ZNF71: variants seen among roughly 807,000 people sequenced by gnomAD.
ZNF71 encodes the protein endothelial zinc finger protein induced by tumor necrosis factor alpha.
In ZNF71, 3 loss-of-function variants were observed where a neutral mutation model predicts 6.7. The ratio of observed to expected loss-of-function variants is 0.45; its 90% CI spans 0.20 to 1.16. ZNF71 has a LOEUF of 1.16. ZNF71 is among the 50% of genes most tolerant of loss of function. ZNF71 has a pLI of 0.25. For synonymous variants in ZNF71, 343 were observed against 311.1 expected, an observed-to-expected ratio of 1.10 and a Z score of -1.08; for missense variants, 688 against 728.6, an observed-to-expected ratio of 0.94 and a Z score of 0.64.
In ZNF71 at chr19:56,597,721, AG is replaced by A. The variant is rs1332721621; in HGVS notation, c.-53+2296del. On this transcript the variant is annotated intron_variant, in intron 1 of 3. Transcript: ENST00000599599. ...AGTAATGTTTATTAATTTTGTTTTC[AG>A]GGTTTTTTTTTGCCTCTAGAAACAA... 1.3e-4 allele frequency among the ~76,000 whole-genome samples: 18 copies of A among 139,134 alleles called. No homozygotes were observed. In the Admixed American group the frequency reaches 1.4e-3, roughly 10 times the overall value. The allele number at this position is 139,134 out of a possible 152,430, so 91.3% of individuals were successfully genotyped here.
chr19:56,617,112 G>GTTTTTTTTTTTTTTTTTTTTTTTT (rs748784485), intron 3 of ZNF71, among the ~76,000 whole-genome samples: 2 of 140,646 alleles, frequency 1.4e-5, no homozygotes, highest in African/African-American at 2.8e-5. Context: ...ATTTTCTTTT[G>GTTTTTTTTTTTTTTTTTTTTTTTT]TTTTTTTTTG....
At chr19:56,621,161 G>A (rs2044842008) in intron 3 of ZNF71, 107 bp from the exon 4 acceptor site, 1 of 1,134,334 alleles carries the variant, frequency 8.8e-7, no homozygotes, top group Non-Finnish European at 1.2e-6. Flanking sequence ...TCTGTGCCTT[G>A]GGCCTCATTG....
chr19:56,605,102 A>T (rs1308949022), intron 2 of ZNF71, among the ~76,000 whole-genome samples: 1 of 152,214 alleles, frequency 6.6e-6, no homozygotes, highest in Non-Finnish European at 1.5e-5. Flanking sequence ...TGTGTTTTTC[A>T]TGTGAGTAAC....
intron 2 of ZNF71, among the ~76,000 whole-genome samples, chr19:56,605,178 C>T (rs1269780083): frequency 6.6e-6 from 1 of 152,170 alleles, no homozygotes; most frequent in Non-Finnish European, 1.5e-5. Context: ...GCTTCAGGCC[C>T]AGGTACATCT....
At chr19:56,604,388 T>C (rs1233716372) in intron 2 of ZNF71, among the ~76,000 whole-genome samples, 1 of 152,180 alleles carries the variant, frequency 6.6e-6, no homozygotes, top group East Asian at 1.9e-4. Flanking sequence ...GGCCAAAAGG[T>C]CAAATAATAT....
intron 3 of ZNF71, among the ~76,000 whole-genome samples, chr19:56,617,117 T>TTTG (rs1290805044): frequency 2.4e-4 from 32 of 131,638 alleles, no homozygotes; most frequent in Admixed American, 1.2e-3. Flanking sequence ...CTTTTGTTTT[T>TTTG]TTTTGTTTTT....
chr19:56,613,626 T>C lies in ZNF71; in HGVS notation c.34-186T>C, dbSNP rs2044767996. 6.6e-6 allele frequency among the ~76,000 whole-genome samples: 1 copy of C among 152,166 alleles called. No homozygotes were observed. The highest frequency in any genetic ancestry group is 2.4e-5 in the African/African-American group (1 of 41,444). The stretch of plus-strand genomic sequence containing the variant: ...TATGGGATTTATTTCTCTATCAGAG[T>C]GCCAACCCAATATAACTAGACACAG... On this transcript the variant is annotated intron_variant, in intron 2 of 3. Transcript: ENST00000599599. The surrounding 1 kb of genome is among the most constrained non-coding windows in gnomAD (Gnocchi z 4.6).
intron 2 of ZNF71, among the ~76,000 whole-genome samples, chr19:56,605,496 C>T (rs1486245599): frequency 6.6e-6 from 1 of 152,250 alleles, no homozygotes; most frequent in Non-Finnish European, 1.5e-5. Flanking sequence ...CAGGCACGAA[C>T]TGCCCAGCTG....
chr19:56,604,085 T>TTAC lies in ZNF71; in HGVS notation c.33+2495_33+2496insACT, dbSNP rs67087100. On this transcript the variant is annotated intron_variant, in intron 2 of 3. Coordinates refer to ENST00000599599, the MANE Select transcript of ZNF71 (RefSeq NM_001370215.1). ...TGCCTGGAGACTGCTCAGTGAATAGTTGAGTGAATTAGGTGGGTGTACTTA... is the reference window on the plus strand; with the variant it reads ...TGCCTGGAGACTGCTCAGTGAATAGTTACTGAGTGAATTAGGTGGGTGTACTTA... Among the ~76,000 whole-genome samples the TTAC allele has an allele frequency of 3.2e-3, 28 of 8,860 alleles. No homozygotes were observed. In the African/African-American group the frequency reaches 0.075, roughly 24 times the overall value. 5.8% of individuals were successfully genotyped at this position (8,860 alleles called of 152,430 possible).
intron 3 of ZNF71, 29 bp from the exon 4 acceptor site, chr19:56,621,239 T>C: frequency 6.6e-7 from 1 of 1,514,810 alleles, no homozygotes; most frequent in Non-Finnish European, 8.8e-7. Flanking sequence ...ACTACATGTA[T>C]TTGCATCTTC....
At chr19:56,620,734 G>C (rs1022008277) in intron 3 of ZNF71, among the ~76,000 whole-genome samples, 1 of 152,008 alleles carries the variant, frequency 6.6e-6, no homozygotes, top group East Asian at 1.9e-4. Context: ...CGGGGGTGGG[G>C]GGTCTCACTA....
At chr19:56,615,835 AT>A (rs2044786963) in intron 3 of ZNF71, among the ~76,000 whole-genome samples, 1 of 151,996 alleles carries the variant, frequency 6.6e-6, no homozygotes, top group Non-Finnish European at 1.5e-5. Flanking sequence ...CGTTGCCTGT[AT>A]TTTTGGTGGT....
At position 56,598,990 on chromosome 19, in the gene ZNF71, T is replaced by TG. The variant is rs1231059641; in HGVS notation, c.-52-2511dup. Among the ~76,000 whole-genome samples, 1 of 152,138 alleles carries TG rather than the reference T, an allele frequency of 6.6e-6. No individual in the cohort carries two copies. The highest frequency in any genetic ancestry group is 1.9e-4 in the East Asian group (1 of 5,174). On this transcript the variant is annotated intron_variant, in intron 1 of 3. Transcript: ENST00000599599. The surrounding 1 kb of genome is among the most constrained non-coding windows in gnomAD (Gnocchi z 4.2). ...GTAGTTTGATTCAGAGGATCTGAGG[T>TG]GGGGGGCAGGAATATATATTCTGAG...
chr19:56,602,392 G>A (rs183554117), intron 2 of ZNF71, among the ~76,000 whole-genome samples: 10 of 152,248 alleles, frequency 6.6e-5, no homozygotes, highest in East Asian at 1.9e-4. Flanking sequence ...CAGTTACGGC[G>A]GTATGTATTC....
chr19:56,620,305 G>T (rs1239391942), intron 3 of ZNF71, among the ~76,000 whole-genome samples: 1 of 152,136 alleles, frequency 6.6e-6, no homozygotes, highest in Non-Finnish European at 1.5e-5. Context: ...TGGCAAAGGG[G>T]CAGGAGAAAT....
rs143983991 is a variant in ZNF71 at position 56,622,307 on chromosome 19, C to T, written c.1200C>T (p.Tyr400=). The part of the protein sequence containing the change: ...ECGKAFSQSS[Y]LIQHQRFHIG... Reference sequence around the variant, plus strand: ...GCAAGGCCTTCAGCCAGAGCTCCTACCTCATCCAGCACCAGCGCTTCCACA... The same window carrying T: ...GCAAGGCCTTCAGCCAGAGCTCCTATCTCATCCAGCACCAGCGCTTCCACA... The change falls in exon 4 of 4, where the codon TAC becomes TAT. Residue 400 remains tyrosine, a synonymous_variant. Coordinates refer to ENST00000599599, the MANE Select transcript of ZNF71 (RefSeq NM_001370215.1). 4.8e-5 allele frequency: 77 copies of T among 1,612,432 alleles called. No homozygotes were observed. The highest frequency in any genetic ancestry group is 6.5e-5 in the Non-Finnish European group (77 of 1,179,160).
rs562690323 is a variant in ZNF71, at chr19:56,622,390, C to T, written c.1283C>T (p.Ser428Leu). The change falls in exon 4 of 4, where the codon TCG becomes TTG. Residue 428 changes from serine (S) to leucine (L), a missense_variant. Coordinates refer to ENST00000599599, the MANE Select transcript of ZNF71 (RefSeq NM_001370215.1). ...ECGKAFSKNS[S>L]LTQHQRIHTG... ...GGCAAGGCCTTCAGCAAGAACTCCT[C>T]GCTCACGCAGCACCAGCGCATCCAC... 9.9e-6 allele frequency: 16 copies of T among 1,613,030 alleles called. No homozygotes were observed. The highest frequency in any genetic ancestry group is 1.3e-5 in the Non-Finnish European group (15 of 1,179,676).
chr19:56,596,508 GA>G (rs1435436756), intron 1 of ZNF71, among the ~76,000 whole-genome samples: 1 of 152,158 alleles, frequency 6.6e-6, no homozygotes, highest in African/African-American at 2.4e-5. Flanking sequence ...CCGGGTGGAG[GA>G]GGGGAAAAGG....
At position 56,618,667 on chromosome 19, in the gene ZNF71, C is replaced by T. The variant is rs541203880; in HGVS notation, c.161-2601C>T. On this transcript the variant is annotated intron_variant, in intron 3 of 3. Transcript: ENST00000599599. The surrounding 1 kb of genome is among the most constrained non-coding windows in gnomAD (Gnocchi z 4.6). ...CAGGCCTGAAGGATAAGGACGTCCA[C>T]GGCAGGTCCACAGGACAGTGGATGC... Among the ~76,000 whole-genome samples the T allele has an allele frequency of 2.0e-5, 3 of 148,164 alleles. No individual in the cohort carries two copies. The highest frequency in any genetic ancestry group is 6.8e-5 in the Admixed American group (1 of 14,668).
Sources: allele counts gnomAD v4.1 joint callset (sites outside exome capture counted in the v4.1 genomes callset), GRCh38; gene constraint gnomAD v4.1.1; non-coding constraint Gnocchi (gnomAD v3.1); transcripts MANE v1.5; gene names NCBI Gene and HGNC (gene_info 2026-07-23, HGNC 2026-07-21).